The following TINAGL1 variants were observed in gnomAD, a reference collection of about 807,000 sequenced individuals.
TINAGL1 encodes tubulointerstitial nephritis antigen like 1.
Under a neutral mutation model 62.0 loss-of-function variants are expected in TINAGL1, and 34 were observed. The observed-to-expected ratio is 0.55, with a 90% confidence interval of 0.42 to 0.73. TINAGL1 has a LOEUF of 0.73. TINAGL1 is among the 30% of genes least tolerant of loss of function. TINAGL1 has a pLI of 0.00. For synonymous variants in TINAGL1, 221 were observed against 249.7 expected (o/e 0.88, Z 1.08); for missense variants, 516 against 653.2 (o/e 0.79, Z 2.29).
chr1:31,584,399 C>T lies in TINAGL1; in HGVS notation c.583-279C>T, dbSNP rs986638241. Reference sequence around the variant, plus strand: ...AAAGCTGAGGGACCTGGCCTGGCCACTTCTCTGTGCCTGGCCTCAGCTGCC... The same window carrying T: ...AAAGCTGAGGGACCTGGCCTGGCCATTTCTCTGTGCCTGGCCTCAGCTGCC... On this transcript the variant is annotated intron_variant, in intron 5 of 11. Coordinates refer to ENST00000271064, the MANE Select transcript of TINAGL1 (RefSeq NM_022164.3). This position sits in a 1 kb window ranked among gnomAD's most constrained non-coding sequence, Gnocchi z 4.0. 8.7e-6 allele frequency: 4 copies of T among 460,124 alleles called. No homozygotes were observed. Among genetic ancestry groups the T allele is most frequent in the Middle Eastern group, 6.2e-4 (1 of 1,606 alleles). The allele number at this position is 460,124 out of a possible 1,614,324, so 28.5% of individuals were successfully genotyped here.
At position 31,584,542 on chromosome 1, in the gene TINAGL1, G is replaced by T; in HGVS notation, c.583-136G>T. 1 of 1,389,176 alleles carries T rather than the reference G, an allele frequency of 7.2e-7. No individual in the cohort carries two copies. The highest frequency in any genetic ancestry group is 9.9e-7 in the Non-Finnish European group (1 of 1,008,716). The allele number at this position is 1,389,176 out of a possible 1,614,324, so 86.1% of individuals were successfully genotyped here. A position where few individuals can be genotyped will look rare whatever the true frequency, so the allele number is the denominator to read the frequency against. Reference sequence around the variant, plus strand: ...CACAAGTCAAAATTGGAGGCAGCTGGAATCCTGCAGCAGCAGGAGGGCTCA... The same window carrying T: ...CACAAGTCAAAATTGGAGGCAGCTGTAATCCTGCAGCAGCAGGAGGGCTCA... On this transcript the variant is annotated intron_variant, in intron 5 of 11. Transcript: ENST00000271064. The surrounding 1 kb of genome is among the most constrained non-coding windows in gnomAD (Gnocchi z 4.0).
At position 31,583,090 on chromosome 1, in the gene TINAGL1, T is replaced by C. The variant is rs2148592678; in HGVS notation, c.375-59T>C. ...GCCCATGTTAACCTCCGAGGCCACA[T>C]TCCTTCAAAGTATCCCCAGTCCCCC... On this transcript the variant is annotated intron_variant, in intron 3 of 11. Transcript: ENST00000271064. This position sits in a 1 kb window ranked among gnomAD's most constrained non-coding sequence, Gnocchi z 4.4. 6.6e-7 allele frequency: 1 copy of C among 1,520,604 alleles called. No individual in the cohort carries two copies. Among genetic ancestry groups the C allele is most frequent in the Non-Finnish European group, 9.1e-7 (1 of 1,095,182 alleles). 94.2% of individuals were successfully genotyped at this position (1,520,604 alleles called of 1,614,324 possible).
At chr1:31,578,999 G>GTTGTGTCTAT (rs1252907256) in intron 2 of TINAGL1, among the ~76,000 whole-genome samples, 1 of 96,656 alleles carries the variant, frequency 1.0e-5, no homozygotes, top group Non-Finnish European at 2.3e-5. Context: ...AGTGACAGCT[G>GTTGTGTCTAT]GTGTGTGTGT....
Position 31,580,203 on chromosome 1 carries a change from C to CTCTCTG in TINAGL1, c.374+941_374+942insGTCTCT, listed in dbSNP as rs1557557918. On this transcript the variant is annotated intron_variant, in intron 3 of 11. Coordinates refer to ENST00000271064, the MANE Select transcript of TINAGL1 (RefSeq NM_022164.3). ...TCTCTCTCTCTCTCTCTCTCTCTCTCTCTCTCTCTGTCTCTCTCTCTCTGT... is the reference window on the plus strand; with the variant it reads ...TCTCTCTCTCTCTCTCTCTCTCTCTCTCTCTGTCTCTCTCTGTCTCTCTCTCTCTGT... The CTCTCTG allele has an allele frequency of 6.9e-4, 301 of 434,186 alleles. 2 individuals are homozygous for CTCTCTG. In the East Asian group the frequency reaches 0.021, roughly 31 times the overall value. 26.9% of individuals were successfully genotyped at this position (434,186 alleles called of 1,614,324 possible).
At position 31,577,262 on chromosome 1, in the gene TINAGL1, G is replaced by C; in HGVS notation, c.114G>C (p.Arg38=). The C allele has an allele frequency of 6.2e-7, 1 of 1,611,392 alleles. No individual in the cohort carries two copies. The highest frequency in any genetic ancestry group is 8.5e-7 in the Non-Finnish European group (1 of 1,179,344). ...RRELAPGLHL[R]GIRDAGGRYC... ...AGCTAGCACCGGGTCTGCACCTGCG[G>C]GGCATCCGGGACGCGGGAGGCCGGT... Residue 38 remains arginine, a synonymous_variant, in exon 2 of 12, where the codon CGG becomes CGC. Transcript: ENST00000271064. The surrounding 1 kb of genome is among the most constrained non-coding windows in gnomAD (Gnocchi z 5.4).
In TINAGL1 at chr1:31,585,481, C is replaced by G; in HGVS notation, c.1089C>G (p.Val363=). 6.2e-7 allele frequency: 1 copy of G among 1,614,188 alleles called. No homozygotes were observed. The highest frequency in any genetic ancestry group is 2.2e-5 in the East Asian group (1 of 44,880). The change falls in exon 9 of 12, where the codon GTC becomes GTG. Residue 363 remains valine (V), a synonymous_variant. Coordinates refer to ENST00000271064, the MANE Select transcript of TINAGL1 (RefSeq NM_022164.3). The surrounding 1 kb of genome is among the most constrained non-coding windows in gnomAD (Gnocchi z 4.3). ...AGGAGCTGATGGAGAATGGCCCTGT[C>G]CAAGGTAAACCCCCTTATCCAGCAC... is the stretch of plus-strand genomic sequence containing the variant. ...IMKELMENGP[V]QALMEVHEDF...
At chr1:31,580,016 G>A (rs1639173058) in intron 3 of TINAGL1, among the ~76,000 whole-genome samples, 1 of 152,086 alleles carries the variant, frequency 6.6e-6, no homozygotes, top group African/African-American at 2.4e-5. Context: ...AGTGAGGGAG[G>A]GAACGTTTCA....
chr1:31,583,085 C>T lies in TINAGL1; in HGVS notation c.375-64C>T. 3 of 1,476,462 alleles carry T rather than the reference C, an allele frequency of 2.0e-6. No homozygotes were observed. Among genetic ancestry groups the T allele is most frequent in the Non-Finnish European group, 1.9e-6 (2 of 1,055,070 alleles). 91.5% of individuals were successfully genotyped at this position (1,476,462 alleles called of 1,614,324 possible). On this transcript the variant is annotated intron_variant, in intron 3 of 11. Coordinates refer to ENST00000271064, the MANE Select transcript of TINAGL1 (RefSeq NM_022164.3). The surrounding 1 kb of genome is among the most constrained non-coding windows in gnomAD (Gnocchi z 4.4). ...CCCTGGCCCATGTTAACCTCCGAGGCCACATTCCTTCAAAGTATCCCCAGT... is the reference window on the plus strand; with the variant it reads ...CCCTGGCCCATGTTAACCTCCGAGGTCACATTCCTTCAAAGTATCCCCAGT...
At chr1:31,580,181 C>G (rs1306516523) in intron 3 of TINAGL1, 2 of 381,588 alleles carry the variant, frequency 5.2e-6, no homozygotes, top group South Asian at 4.2e-5. Flanking sequence ...CTCTCTCTCT[C>G]TCTCTCTCTC....
At chr1:31,586,309 G>T in intron 10 of TINAGL1, 1 of 354,404 alleles carries the variant, frequency 2.8e-6, no homozygotes. Flanking sequence ...GGAATTGGCG[G>T]TCTCTAAGAT....
In TINAGL1 at chr1:31,577,163, A is replaced by G; in HGVS notation, c.15A>G (p.Pro5=). The part of the protein sequence containing the change: MWRC[P]LGLLLLLPLA... ...CAGGAGCCACCATGTGGCGATGTCC[A>G]CTGGGGCTACTGCTGTTGCTGCCGC... The change falls in exon 2 of 12, where the codon CCA becomes CCG. Residue 5 remains proline, a synonymous_variant. Transcript: ENST00000271064. The surrounding 1 kb of genome is among the most constrained non-coding windows in gnomAD (Gnocchi z 5.4). 6.4e-7 allele frequency: 1 copy of G among 1,555,314 alleles called. No individual in the cohort carries two copies. Among genetic ancestry groups the G allele is most frequent in the Non-Finnish European group, 8.7e-7 (1 of 1,154,674 alleles).
rs942409258 is a variant in TINAGL1, at chr1:31,578,275, T to A, written c.310+817T>A. On this transcript the variant is annotated intron_variant, in intron 2 of 11. Coordinates refer to ENST00000271064, the MANE Select transcript of TINAGL1 (RefSeq NM_022164.3). ...GTGTGTGTGTGTGTGTGTGTGTGTGTGATGTCTTCAGTTATAGCTTAATTT... is the reference window on the plus strand; with the variant it reads ...GTGTGTGTGTGTGTGTGTGTGTGTGAGATGTCTTCAGTTATAGCTTAATTT... 5.3e-6 allele frequency: 3 copies of A among 563,432 alleles called. No individual in the cohort carries two copies. The South Asian group carries it at 2.2e-4, about 41-fold the overall frequency. The allele number at this position is 563,432 out of a possible 1,614,324, so 34.9% of individuals were successfully genotyped here. A position where few individuals can be genotyped will look rare whatever the true frequency, so the allele number is the denominator to read the frequency against.
chr1:31,582,486 A>G (rs1639273092), intron 3 of TINAGL1, among the ~76,000 whole-genome samples: 1 of 152,272 alleles, frequency 6.6e-6, no homozygotes, highest in South Asian at 2.1e-4. Flanking sequence ...TTTGGCTCTT[A>G]TTCTGTGATG....
At position 31,587,030 on chromosome 1, in the gene TINAGL1, C is replaced by A; in HGVS notation, c.*51C>A. The A allele has an allele frequency of 7.1e-7, 1 of 1,398,940 alleles. No homozygotes were observed. The highest frequency in any genetic ancestry group is 2.8e-5 in the East Asian group (1 of 35,398). The allele number at this position is 1,398,940 out of a possible 1,614,324, so 86.7% of individuals were successfully genotyped here. On this transcript the variant is annotated 3_prime_UTR_variant, in exon 12 of 12. Transcript: ENST00000271064. ...GCCTGGGATCCAGGCTAAGGGCCGGCGGAAGAGGCCCCAATGGGGCGGTGA... is the reference window on the plus strand; with the variant it reads ...GCCTGGGATCCAGGCTAAGGGCCGGAGGAAGAGGCCCCAATGGGGCGGTGA...
In TINAGL1 at chr1:31,583,383, C is replaced by A; in HGVS notation, c.468-78C>A. The A allele has an allele frequency of 6.7e-7, 1 of 1,487,096 alleles. No individual in the cohort carries two copies. The highest frequency in any genetic ancestry group is 9.3e-7 in the Non-Finnish European group (1 of 1,078,448). The allele number at this position is 1,487,096 out of a possible 1,614,324, so 92.1% of individuals were successfully genotyped here. A position where few individuals can be genotyped will look rare whatever the true frequency, so the allele number is the denominator to read the frequency against. ...GTGTGCGCTCAGCCACTGTGCGTCTCTCCCACCCACATGCACCCACGCCAA... is the reference window on the plus strand; with the variant it reads ...GTGTGCGCTCAGCCACTGTGCGTCTATCCCACCCACATGCACCCACGCCAA... On this transcript the variant is annotated intron_variant, in intron 4 of 11. Coordinates refer to ENST00000271064, the MANE Select transcript of TINAGL1 (RefSeq NM_022164.3). This position sits in a 1 kb window ranked among gnomAD's most constrained non-coding sequence, Gnocchi z 4.4.
Position 31,577,013 on chromosome 1 carries a change from G to A in TINAGL1, c.-15-121G>A, listed in dbSNP as rs2148582712. 1 of 896,116 alleles carries A rather than the reference G, an allele frequency of 1.1e-6. No homozygotes were observed. The highest frequency in any genetic ancestry group is 2.7e-5 in the East Asian group (1 of 36,498). The allele number at this position is 896,116 out of a possible 1,614,324, so 55.5% of individuals were successfully genotyped here. On this transcript the variant is annotated intron_variant, in intron 1 of 11. Transcript: ENST00000271064. The surrounding 1 kb of genome is among the most constrained non-coding windows in gnomAD (Gnocchi z 5.4). ...CTCCTCTGCCCGTGTCCTGCCTGGG[G>A]ACTCAGGAATCGGGATCTCCCTCCC...
chr1:31,580,435 G>A (rs1456846090), intron 3 of TINAGL1: 2 of 1,289,358 alleles, frequency 1.6e-6, no homozygotes, highest in South Asian at 2.5e-5. Context: ...GGGTGGGGGA[G>A]TGTCCAGGGT....
Position 31,576,528 on chromosome 1 carries a change from C to CGGCGG in TINAGL1, c.-82_-78dup. ...CGCTCCTCTCTTGACTTTGAGCGTC[C>CGGCGG]GGCGGTCGCAGAGCCAGGAGGCGGA... On this transcript the variant is annotated 5_prime_UTR_variant, in exon 1 of 12. Coordinates refer to ENST00000271064, the MANE Select transcript of TINAGL1 (RefSeq NM_022164.3). This position sits in a 1 kb window ranked among gnomAD's most constrained non-coding sequence, Gnocchi z 5.1. 6.6e-6 allele frequency: 1 copy of CGGCGG among 152,256 alleles called. No homozygotes were observed. Among genetic ancestry groups the CGGCGG allele is most frequent in the East Asian group, 1.9e-4 (1 of 5,172 alleles). The allele number at this position is 152,256 out of a possible 1,614,324, so 9.4% of individuals were successfully genotyped here.
In TINAGL1 at chr1:31,585,697, G is replaced by T; in HGVS notation, c.1094-56G>T. The T allele has an allele frequency of 6.3e-7, 1 of 1,583,562 alleles. No individual in the cohort carries two copies. The highest frequency in any genetic ancestry group is 8.6e-7 in the Non-Finnish European group (1 of 1,163,892). On this transcript the variant is annotated intron_variant, in intron 9 of 11. Transcript: ENST00000271064. This position sits in a 1 kb window ranked among gnomAD's most constrained non-coding sequence, Gnocchi z 4.3. The stretch of plus-strand genomic sequence containing the variant: ...CCTGGGCACATCTCAATAGACTCAG[G>T]CTCCAGTGCCTGTGCCAACGGGCTG...
Sources: gnomAD v4.1 joint callset for allele counts (sites outside exome capture counted in the v4.1 genomes callset) on GRCh38, gnomAD v4.1.1 for gene constraint, Gnocchi (gnomAD v3.1) non-coding constraint, MANE v1.5 for transcripts, NCBI Gene and HGNC (gene_info 2026-07-23, HGNC 2026-07-21) for gene names.